CDK12: variants seen among roughly 807,000 people sequenced by gnomAD.
CDK12 encodes cyclin dependent kinase 12.
A neutral mutation model predicts 133.8 loss-of-function variants in CDK12; 17 were observed. That is an observed-to-expected ratio of 0.13 (90% CI 0.09 to 0.19). The LOEUF (loss-of-function observed/expected upper bound fraction) is 0.19. Ranked by LOEUF, CDK12 falls within the 10% of genes least tolerant of loss-of-function variation. The probability of loss-of-function intolerance (pLI) is 1.00; values close to 1 mark genes in which losing one functional copy is unlikely to be tolerated. For synonymous variants in CDK12, 694 were observed against 683.6 expected (o/e 1.02, Z -0.24); for missense variants, 1,508 against 1,818.7 (o/e 0.83, Z 3.11).
At chr17:39,476,410 A>G (rs2050193878) in intron 2 of CDK12, among the ~76,000 whole-genome samples, 1 of 151,610 alleles carries the variant, frequency 6.6e-6, no homozygotes. Context: ...TGCCCCAACT[A>G]TTTATTATTT....
In CDK12 at chr17:39,532,110, C is replaced by CTCTCTA. The variant is rs1357982254; in HGVS notation, c.*799_*800insATCTCT. The CTCTCTA allele has an allele frequency of 1.5e-5, 2 of 132,384 alleles. No homozygotes were observed. The highest frequency in any genetic ancestry group is 3.4e-5 in the Non-Finnish European group (2 of 58,912). 8.2% of individuals were successfully genotyped at this position (132,384 alleles called of 1,614,324 possible). ...GTGCTCTCTCTCTCTCTTTCTCTCT[C>CTCTCTA]TCTCTCTCTCTCTCTCTCTCTCTCT... is the stretch of plus-strand genomic sequence containing the variant. On this transcript the variant is annotated 3_prime_UTR_variant, in exon 14 of 14. Transcript: ENST00000447079.
At chr17:39,481,426 G>A (rs2145544821) in intron 2 of CDK12, among the ~76,000 whole-genome samples, 1 of 148,012 alleles carries the variant, frequency 6.8e-6, no homozygotes. Flanking sequence ...CCTGGCCTCA[G>A]CCTCCTGAGT....
chr17:39,558,718 A>G (rs1406935635), intron 3 of CDK12, among the ~76,000 whole-genome samples: 1 of 152,156 alleles, frequency 6.6e-6, no homozygotes, highest in Non-Finnish European at 1.5e-5. Flanking sequence ...GTCTCGGCTC[A>G]CTGCAACCTC....
intron 6 of CDK12, among the ~76,000 whole-genome samples, chr17:39,503,119 C>T (rs898548989): frequency 6.6e-6 from 1 of 152,148 alleles, no homozygotes; most frequent in East Asian, 1.9e-4. Flanking sequence ...ACTCTGTCGC[C>T]CAGGCTGGAG....
At chr17:39,470,176 G>A (rs1459639367) in intron 1 of CDK12, among the ~76,000 whole-genome samples, 1 of 150,478 alleles carries the variant, frequency 6.6e-6, no homozygotes, top group East Asian at 2.0e-4. Flanking sequence ...CTGTCGCCCA[G>A]GCTGGAGTGC....
intron 1 of CDK12, among the ~76,000 whole-genome samples, chr17:39,542,003 C>T (rs1001072876): frequency 2.6e-5 from 4 of 152,040 alleles, no homozygotes; most frequent in African/African-American, 9.7e-5. Context: ...TTGACTTCTG[C>T]GAGTAGAGTG....
intron 8 of CDK12, 92 bp from the exon 9 acceptor site, chr17:39,515,639 A>G (rs1260673487): frequency 4.1e-6 from 3 of 733,730 alleles, no homozygotes; most frequent in Non-Finnish European, 4.6e-6. Context: ...CTTGGTTGCA[A>G]TCCGACATAT....
intron 6 of CDK12, among the ~76,000 whole-genome samples, chr17:39,502,288 G>A (rs974662220): frequency 2.0e-5 from 3 of 152,132 alleles, no homozygotes. Context: ...GAATAGCTGG[G>A]ACTACAGGCG....
At position 39,471,332 on chromosome 17, in the gene CDK12, A is replaced by G; in HGVS notation, c.1500A>G (p.Thr500=). Residue 500 remains threonine, a synonymous_variant, in exon 2 of 14, where the codon ACA becomes ACG. Coordinates refer to ENST00000447079, the MANE Select transcript of CDK12 (RefSeq NM_016507.4). ...TTAAAGATTTGAAAGCACAGGGAAC[A>G]AGAGACTCTAAACCCATAGCACTGA... ...HLVKDLKAQG[T]RDSKPIALKE... 1 of 1,614,092 alleles carries G rather than the reference A, an allele frequency of 6.2e-7. No individual in the cohort carries two copies. The highest frequency in any genetic ancestry group is 1.1e-5 in the South Asian group (1 of 91,076).
chr17:39,494,769 CTTTCT>C, intron 5 of CDK12, 75 bp downstream of exon 5: 11 of 1,093,260 alleles, frequency 1.0e-5, no homozygotes, highest in Admixed American at 2.8e-5. Flanking sequence ...TTCTTTCTTT[CTTTCT>C]TTTTTTTTTT....
rs922597438 is a variant in CDK12, at chr17:39,502,078, C to T, written c.2609+639C>T. Among the ~76,000 whole-genome samples the T allele has an allele frequency of 3.3e-5, 5 of 151,800 alleles. No individual in the cohort carries two copies. The South Asian group carries it at 6.2e-4, about 19-fold the overall frequency. ...CAGGCTGATCTTGAACTCCTGACCT[C>T]GTGATCCACCCACCTCAGCCTCCCA... On this transcript the variant is annotated intron_variant, in intron 6 of 13. Coordinates refer to ENST00000447079, the MANE Select transcript of CDK12 (RefSeq NM_016507.4).
At chr17:39,486,464 A>G (rs2051141922) in intron 2 of CDK12, among the ~76,000 whole-genome samples, 1 of 151,664 alleles carries the variant, frequency 6.6e-6, no homozygotes, top group Non-Finnish European at 1.5e-5. Flanking sequence ...ATAAGGTCTC[A>G]CTATGTTGCT....
chr17:39,478,186 T>G (rs1239172906), intron 2 of CDK12, among the ~76,000 whole-genome samples: 3 of 131,962 alleles, frequency 2.3e-5, no homozygotes, highest in Non-Finnish European at 5.0e-5. Context: ...TGTGAGCCAC[T>G]GAGTTTGGCC....
rs1214521670 is a variant in CDK12 at position 39,532,305 on chromosome 17, ATGTTT to A, written c.*996_*1000del. On this transcript the variant is annotated 3_prime_UTR_variant, in exon 14 of 14. Coordinates refer to ENST00000447079, the MANE Select transcript of CDK12 (RefSeq NM_016507.4). ...TTCTCTGTAACTCTTCAATTCTAAA[ATGTTT>A]TGTTTTTTAAACCATGTTCTGATGG... is the stretch of plus-strand genomic sequence containing the variant. The A allele has an allele frequency of 4.3e-6, 1 of 233,158 alleles. No homozygotes were observed. The highest frequency in any genetic ancestry group is 8.5e-6 in the Non-Finnish European group (1 of 118,006). The allele number at this position is 233,158 out of a possible 1,614,324, so 14.4% of individuals were successfully genotyped here.
intron 1 of CDK12, among the ~76,000 whole-genome samples, chr17:39,463,415 T>G (rs148830724): frequency 6.8e-4 from 103 of 152,336 alleles, no homozygotes; most frequent in African/African-American, 2.5e-3. Context: ...GAGTTGATAC[T>G]AGTTCCCAGA....
At chr17:39,467,577 C>T (rs955817216) in intron 1 of CDK12, among the ~76,000 whole-genome samples, 4 of 152,122 alleles carry the variant, frequency 2.6e-5, no homozygotes, top group East Asian at 1.9e-4. Flanking sequence ...TAACAGTAGG[C>T]TTCTGTGAGA....
intron 1 of CDK12, among the ~76,000 whole-genome samples, chr17:39,470,643 C>T (rs2049724440): frequency 6.6e-6 from 1 of 152,142 alleles, no homozygotes; most frequent in Admixed American, 6.6e-5. Flanking sequence ...ACTTAGTCTA[C>T]CTAATGTCCA....
Position 39,482,793 on chromosome 17 carries a change from G to A in CDK12, c.1932-7764G>A, listed in dbSNP as rs377283999. ...GATCTTTGTATTTTTAGTAGAGAGGGGTTATGCCATATTGGCTAGGCTGTT... is the reference window on the plus strand; with the variant it reads ...GATCTTTGTATTTTTAGTAGAGAGGAGTTATGCCATATTGGCTAGGCTGTT... On this transcript the variant is annotated intron_variant, in intron 2 of 13. Coordinates refer to ENST00000447079, the MANE Select transcript of CDK12 (RefSeq NM_016507.4). Among the ~76,000 whole-genome samples, 27 of 151,548 alleles carry A rather than the reference G, an allele frequency of 1.8e-4. No individual in the cohort carries two copies. In the South Asian group the frequency reaches 5.6e-3, roughly 32 times the overall value.
In CDK12 at chr17:39,531,645, A is replaced by G; in HGVS notation, c.*329A>G. On this transcript the variant is annotated 3_prime_UTR_variant, in exon 14 of 14. Transcript: ENST00000447079. ...TGCCTGCACTTACTGATCGGAAGAG[A>G]GAAAGAACAGTTTCAGTATTGAGAT... The G allele has an allele frequency of 3.6e-6, 1 of 274,536 alleles. No homozygotes were observed. The highest frequency in any genetic ancestry group is 6.8e-6 in the Non-Finnish European group (1 of 146,694). 17.0% of individuals were successfully genotyped at this position (274,536 alleles called of 1,614,324 possible).
Sources: allele counts gnomAD v4.1 joint callset (sites outside exome capture counted in the v4.1 genomes callset), GRCh38; gene constraint gnomAD v4.1.1; transcripts MANE v1.5; gene names NCBI Gene and HGNC (gene_info 2026-07-23, HGNC 2026-07-21).